Variants in SORCS2 observed in about 807,000 individuals in gnomAD.
SORCS2 encodes the protein VPS10 domain-containing receptor SorCS2.
Under a neutral mutation model 141.6 loss-of-function variants are expected in SORCS2, and 100 were observed. The observed-to-expected ratio is 0.71, with a 90% CI of 0.60 to 0.83. The LOEUF is 0.83. SORCS2 is among the 40% of genes least tolerant of loss of function. SORCS2 has a pLI of 0.00. For missense variants in SORCS2, 1,646 were observed against 1,560.2 expected (o/e 1.05, Z -0.93); for synonymous variants, 789 against 676.9 (o/e 1.17, Z -2.57).
chr4:7,348,401 T>C (rs1268811119), intron 1 of SORCS2, among the ~76,000 whole-genome samples: 2 of 152,200 alleles, frequency 1.3e-5, no homozygotes, highest in Non-Finnish European at 2.9e-5. Flanking sequence ...GGCTCTTTCT[T>C]GTGGCATGCA....
chr4:7,526,028 C>G (rs1005071391), intron 2 of SORCS2, among the ~76,000 whole-genome samples: 1 of 151,132 alleles, frequency 6.6e-6, no homozygotes, highest in Non-Finnish European at 1.5e-5. Context: ...GTCACCTGTC[C>G]CCTCCTCACA....
chr4:7,396,263 CTTTTACTTTCTGTT>C lies in SORCS2; in HGVS notation c.481-24_481-11del. 1.9e-6 allele frequency: 3 copies of C among 1,612,344 alleles called. No individual in the cohort carries two copies. Among genetic ancestry groups the C allele is most frequent in the Non-Finnish European group, 2.5e-6 (3 of 1,178,864 alleles). ...AACCTTGGCACCCACTGATTTCTGC[CTTTTACTTTCTGTT>C]AACACCACAGGTGATCTTGATCCTG... On this transcript the variant is annotated splice_polypyrimidine_tract_variant and intron_variant, in intron 1 of 26. Transcript: ENST00000507866.
rs576238070 is a variant in SORCS2 at position 7,580,460 on chromosome 4, A to G, written c.648+48831A>G. On this transcript the variant is annotated intron_variant, in intron 3 of 26. Coordinates refer to ENST00000507866, the MANE Select transcript of SORCS2 (RefSeq NM_020777.3). ...AGCAGAGATCATGCCACCACACTCCAGCCTATGTGACACAGCAAGACTCAG... is the reference window on the plus strand; with the variant it reads ...AGCAGAGATCATGCCACCACACTCCGGCCTATGTGACACAGCAAGACTCAG... Among the ~76,000 whole-genome samples, 79 of 152,224 alleles carry G rather than the reference A, an allele frequency of 5.2e-4. 2 individuals are homozygous for G. In the South Asian group the frequency reaches 0.016, roughly 30 times the overall value.
intron 2 of SORCS2, among the ~76,000 whole-genome samples, chr4:7,488,571 C>T (rs1285539834): frequency 5.9e-5 from 9 of 152,246 alleles, no homozygotes; most frequent in African/African-American, 9.6e-5. Context: ...TCCACAGCGA[C>T]TTTCCCAGAC....
intron 2 of SORCS2, among the ~76,000 whole-genome samples, chr4:7,495,803 C>G (rs1186932153): frequency 1.3e-5 from 2 of 152,208 alleles, no homozygotes; most frequent in African/African-American, 4.8e-5. Context: ...TGAGTCTGAG[C>G]TGCGTGGTGA....
At chr4:7,210,592 C>T (rs1343613885) in intron 1 of SORCS2, among the ~76,000 whole-genome samples, 2 of 152,144 alleles carry the variant, frequency 1.3e-5, no homozygotes, top group African/African-American at 2.4e-5. Flanking sequence ...AAACGCTTGA[C>T]CTTGATGCAG....
At chr4:7,324,589 G>C (rs1307340413) in intron 1 of SORCS2, among the ~76,000 whole-genome samples, 1 of 152,342 alleles carries the variant, frequency 6.6e-6, no homozygotes, top group Admixed American at 6.5e-5. Context: ...AAAAGCAGGG[G>C]AGAGACTGGT....
rs1724094212 is a variant in SORCS2 at position 7,689,683 on chromosome 4, G to T, written c.1591+95G>T. On this transcript the variant is annotated intron_variant, in intron 11 of 26. Transcript: ENST00000507866. Reference sequence around the variant, plus strand: ...TAAAAAGGGATGGTCATGAGCCTGAGGCCATAGTATGTCCTTTAGGAGGCA... The same window carrying T: ...TAAAAAGGGATGGTCATGAGCCTGATGCCATAGTATGTCCTTTAGGAGGCA... 3 of 1,194,870 alleles carry T rather than the reference G, an allele frequency of 2.5e-6. No individual in the cohort carries two copies. The South Asian group carries it at 4.4e-5, about 18-fold the overall frequency. 74.0% of individuals were successfully genotyped at this position (1,194,870 alleles called of 1,614,324 possible). A position where few individuals can be genotyped will look rare whatever the true frequency, so the allele number is the denominator to read the frequency against.
intron 2 of SORCS2, among the ~76,000 whole-genome samples, chr4:7,468,322 G>A (rs938695007): frequency 6.6e-6 from 1 of 152,176 alleles, no homozygotes; most frequent in Non-Finnish European, 1.5e-5. Context: ...TGCAGCACCC[G>A]AAGCCTCGTA....
chr4:7,576,797 C>T (rs1715781510), intron 3 of SORCS2, among the ~76,000 whole-genome samples: 1 of 152,154 alleles, frequency 6.6e-6, no homozygotes, highest in South Asian at 2.1e-4. Context: ...GCCACAGGGG[C>T]CAGACAGGTG....
intron 2 of SORCS2, among the ~76,000 whole-genome samples, chr4:7,530,712 T>C (rs964452925): frequency 2.0e-5 from 3 of 152,256 alleles, no homozygotes; most frequent in Non-Finnish European, 2.9e-5. Flanking sequence ...CATATCCTGA[T>C]GGATGGATGG....
chr4:7,667,359 C>T, intron 8 of SORCS2, 146 bp downstream of exon 8: 2 of 695,056 alleles, frequency 2.9e-6, no homozygotes, highest in Non-Finnish European at 2.5e-6. Flanking sequence ...TCCAGCTGCT[C>T]ACCCCTCACA....
rs959175253 is a variant in SORCS2 at position 7,663,521 on chromosome 4, C to G, written c.953-832C>G. Among the ~76,000 whole-genome samples the G allele has an allele frequency of 4.6e-5, 7 of 152,348 alleles. No individual in the cohort carries two copies. Among genetic ancestry groups the G allele is most frequent in the African/African-American group, 1.7e-4 (7 of 41,586 alleles). ...TGGCTCAGGAGGGCTTGGCAGTGGCCTGGTGCTGCTGCCCACGTACCCTCT... is the reference window on the plus strand; with the variant it reads ...TGGCTCAGGAGGGCTTGGCAGTGGCGTGGTGCTGCTGCCCACGTACCCTCT... On this transcript the variant is annotated intron_variant, in intron 6 of 26. Coordinates refer to ENST00000507866, the MANE Select transcript of SORCS2 (RefSeq NM_020777.3). The surrounding 1 kb of genome is among the most constrained non-coding windows in gnomAD (Gnocchi z 4.8).
At chr4:7,557,289 A>G (rs986804807) in intron 3 of SORCS2, among the ~76,000 whole-genome samples, 1 of 152,138 alleles carries the variant, frequency 6.6e-6, no homozygotes, top group African/African-American at 2.4e-5. Flanking sequence ...GGTGGCAGGG[A>G]TGGCTGGGGG....
chr4:7,293,834 GTCTC>G (rs745355169), intron 1 of SORCS2, among the ~76,000 whole-genome samples: 15 of 152,158 alleles, frequency 9.9e-5, no homozygotes, highest in Non-Finnish European at 1.6e-4. Flanking sequence ...CCAAATTAGC[GTCTC>G]TCTTTCATTA....
chr4:7,545,447 A>G (rs912550587), intron 3 of SORCS2, among the ~76,000 whole-genome samples: 1 of 152,194 alleles, frequency 6.6e-6, no homozygotes, highest in Non-Finnish European at 1.5e-5. Context: ...TGTGTCATCC[A>G]TCAGGGCTGG....
At position 7,654,066 on chromosome 4, in the gene SORCS2, C is replaced by T. The variant is rs1014531817; in HGVS notation, c.814-68C>T. ...GGGATCTGCTGTGGTGAAGACATCA[C>T]CCTCTCTCAGAAGCAGCTTATTCCT... On this transcript the variant is annotated intron_variant, in intron 4 of 26. Coordinates refer to ENST00000507866, the MANE Select transcript of SORCS2 (RefSeq NM_020777.3). The T allele has an allele frequency of 2.4e-5, 33 of 1,379,162 alleles. No individual in the cohort carries two copies. The Admixed American group carries it at 5.3e-4, about 22-fold the overall frequency. 85.4% of individuals were successfully genotyped at this position (1,379,162 alleles called of 1,614,324 possible).
chr4:7,662,951 GGAAT>G (rs1365832445), intron 6 of SORCS2, among the ~76,000 whole-genome samples: 3 of 152,132 alleles, frequency 2.0e-5, no homozygotes, highest in African/African-American at 7.2e-5. Flanking sequence ...AGTGATTGAG[GGAAT>G]GAATGAATGA....
intron 26 of SORCS2, 121 bp from the exon 27 acceptor site, chr4:7,740,079 C>G: frequency 1.3e-6 from 1 of 775,272 alleles, no homozygotes; most frequent in Non-Finnish European, 2.2e-6. Context: ...CTGAAGGAAG[C>G]CAGGGAGGCC....
Sources: allele counts gnomAD v4.1 joint callset (sites outside exome capture counted in the v4.1 genomes callset), GRCh38; gene constraint gnomAD v4.1.1; non-coding constraint Gnocchi (gnomAD v3.1); transcripts MANE v1.5; gene names NCBI Gene and HGNC (gene_info 2026-07-23, HGNC 2026-07-21).